PAPPA: variants seen among roughly 807,000 people sequenced by gnomAD.
The protein encoded by PAPPA is pappalysin-1.
Under a neutral mutation model 164.0 loss-of-function variants are expected in PAPPA, and 60 were observed. That is an observed-to-expected ratio of 0.37 (90% CI 0.30 to 0.45). PAPPA has a LOEUF of 0.45. Among genes scored for constraint, PAPPA ranks in the 20% least tolerant of loss-of-function variants. The pLI is 1.00. For missense variants in PAPPA, 1,782 were observed against 2,087.3 expected, an observed-to-expected ratio of 0.85 and a Z score of 2.85; for synonymous variants, 875 against 814.1, an observed-to-expected ratio of 1.07 and a Z score of -1.27.
intron 19 of PAPPA, among the ~76,000 whole-genome samples, chr9:116,376,834 GA>G (rs1025090010): frequency 4.6e-5 from 7 of 152,284 alleles, no homozygotes; most frequent in Non-Finnish European, 8.8e-5. Flanking sequence ...GGCAACCTCA[GA>G]GAACTGTGGG....
chr9:116,382,205 A>C (rs773519628), intron 20 of PAPPA, among the ~76,000 whole-genome samples, 190 bp from the exon 21 acceptor site: 2 of 152,108 alleles, frequency 1.3e-5, no homozygotes, highest in Non-Finnish European at 2.9e-5. Context: ...GGTAGAAAGA[A>C]AGATAAGAGT....
At chr9:116,332,803 G>A in intron 12 of PAPPA, 1 of 196,994 alleles carries the variant, frequency 5.1e-6, no homozygotes, top group South Asian at 1.4e-4. Context: ...GTCACCATCT[G>A]AGACCCAAAG....
intron 13 of PAPPA, among the ~76,000 whole-genome samples, chr9:116,342,808 G>C (rs577711870): frequency 2.0e-5 from 3 of 152,292 alleles, no homozygotes; most frequent in African/African-American, 7.2e-5. Flanking sequence ...CCAGGTGTTG[G>C]GGGTAGACAC....
chr9:116,229,876 A>G (rs1327525291), intron 6 of PAPPA, among the ~76,000 whole-genome samples: 1 of 152,224 alleles, frequency 6.6e-6, no homozygotes, highest in Non-Finnish European at 1.5e-5. Flanking sequence ...CTTGGAAGGT[A>G]GAATTAGCAA....
At chr9:116,356,399 A>G (rs1407053938) in intron 17 of PAPPA, among the ~76,000 whole-genome samples, 1 of 152,226 alleles carries the variant, frequency 6.6e-6, no homozygotes, top group Non-Finnish European at 1.5e-5. Context: ...GTGCAATCAT[A>G]TGTGGTAGCC....
intron 18 of PAPPA, 65 bp from the exon 19 acceptor site, chr9:116,367,580 G>A: frequency 1.7e-6 from 2 of 1,184,570 alleles, no homozygotes; most frequent in African/African-American, 1.5e-5. Flanking sequence ...CACTCTGCAG[G>A]AGGGCAGTTT....
intron 10 of PAPPA, among the ~76,000 whole-genome samples, chr9:116,306,077 A>G (rs759503536): frequency 2.0e-5 from 3 of 152,122 alleles, no homozygotes; most frequent in East Asian, 1.9e-4. Context: ...CCTCTTTACA[A>G]TTCAGTTTGG....
chr9:116,187,652 G>A lies in PAPPA; in HGVS notation c.914G>A (p.Ser305Asn). ...HAWSPMKDGSSPKVEFSNAHG... is the reference protein window; with the variant it reads ...HAWSPMKDGSNPKVEFSNAHG... ...TGGTCCCCCATGAAGGATGGCAGCAGCCCCAAAGTGGAATTCAGCAATGCC... is the reference window on the plus strand; with the variant it reads ...TGGTCCCCCATGAAGGATGGCAGCAACCCCAAAGTGGAATTCAGCAATGCC... The change falls in exon 2 of 22, where the codon AGC becomes AAC. Residue 305 changes from serine (S) to asparagine (N), a missense_variant. Transcript: ENST00000328252. This position sits in a 1 kb window ranked among gnomAD's most constrained non-coding sequence, Gnocchi z 4.2. The A allele has an allele frequency of 1.2e-6, 2 of 1,614,242 alleles. No homozygotes were observed. Among genetic ancestry groups the A allele is most frequent in the Admixed American group, 1.7e-5 (1 of 60,036 alleles).
Position 116,351,940 on chromosome 9 carries a change from T to C in PAPPA, c.3965-766T>C, listed in dbSNP as rs537077556. Among the ~76,000 whole-genome samples, 27 of 152,278 alleles carry C rather than the reference T, an allele frequency of 1.8e-4. No homozygotes were observed. In the South Asian group the frequency reaches 4.0e-3, roughly 22 times the overall value. ...GAAACACAAGTTTCAGGTCCTCCTC[T>C]AGTTGTCTTGGGAAGGTTTTAGGCG... On this transcript the variant is annotated intron_variant, in intron 15 of 21. Transcript: ENST00000328252.
chr9:116,340,506 C>T (rs998099673), intron 13 of PAPPA, among the ~76,000 whole-genome samples: 2 of 152,180 alleles, frequency 1.3e-5, no homozygotes, highest in Admixed American at 1.3e-4. Context: ...ATATCACTAC[C>T]TCAAGGAGTT....
intron 4 of PAPPA, among the ~76,000 whole-genome samples, chr9:116,215,008 T>C (rs1212552588): frequency 6.6e-6 from 1 of 152,210 alleles, no homozygotes; most frequent in Non-Finnish European, 1.5e-5. Context: ...GAAAACAAAA[T>C]GTTTGAATAA....
At chr9:116,296,908 G>A (rs1263528206) in intron 9 of PAPPA, among the ~76,000 whole-genome samples, 5 of 151,916 alleles carry the variant, frequency 3.3e-5, no homozygotes, top group Non-Finnish European at 5.9e-5. Context: ...AGGCTGGAGT[G>A]CAGTGGCGTG....
At chr9:116,368,797 T>C (rs954292344) in intron 19 of PAPPA, among the ~76,000 whole-genome samples, 1 of 152,178 alleles carries the variant, frequency 6.6e-6, no homozygotes, top group Non-Finnish European at 1.5e-5. Context: ...GGAGCTACTG[T>C]CTGCCTGCCT....
intron 7 of PAPPA, among the ~76,000 whole-genome samples, chr9:116,248,063 T>C (rs1564197954): frequency 6.6e-6 from 1 of 152,244 alleles, no homozygotes; most frequent in Non-Finnish European, 1.5e-5. Flanking sequence ...TCACTACGCT[T>C]GTTCTTGGCC....
chr9:116,260,656 A>G (rs376035642), intron 7 of PAPPA, among the ~76,000 whole-genome samples: 2 of 152,196 alleles, frequency 1.3e-5, no homozygotes, highest in Non-Finnish European at 2.9e-5. Flanking sequence ...TCAAGACATA[A>G]GGATACAACA....
chr9:116,208,368 T>C (rs1410410650), intron 3 of PAPPA, among the ~76,000 whole-genome samples: 1 of 117,376 alleles, frequency 8.5e-6, no homozygotes, highest in East Asian at 3.4e-4. Flanking sequence ...TATTATGCTA[T>C]CTACTTTTTT....
intron 9 of PAPPA, among the ~76,000 whole-genome samples, chr9:116,288,432 T>G (rs1028795893): frequency 2.4e-5 from 1 of 41,084 alleles, no homozygotes; most frequent in Non-Finnish European, 5.2e-5. Flanking sequence ...CCTCCCTCCC[T>G]CCCTCCCTCC....
chr9:116,223,035 A>G (rs1401794075), intron 5 of PAPPA, among the ~76,000 whole-genome samples: 1 of 152,226 alleles, frequency 6.6e-6, no homozygotes, highest in African/African-American at 2.4e-5. Flanking sequence ...ACCACATAAA[A>G]TGTGGGCATT....
At chr9:116,212,034 G>A in intron 4 of PAPPA, 102 bp downstream of exon 4, 1 of 1,006,416 alleles carries the variant, frequency 9.9e-7, no homozygotes, top group East Asian at 2.4e-5. Context: ...CATTTCTAAG[G>A]ATGGAAGGCC....
Sources: gnomAD v4.1 joint callset for allele counts (sites outside exome capture counted in the v4.1 genomes callset) on GRCh38, gnomAD v4.1.1 for gene constraint, Gnocchi (gnomAD v3.1) non-coding constraint, MANE v1.5 for transcripts, NCBI Gene and HGNC (gene_info 2026-07-23, HGNC 2026-07-21) for gene names.